Variants in ANKS1B observed in about 807,000 individuals in gnomAD.
The protein encoded by ANKS1B is ankyrin repeat and sterile alpha motif domain-containing protein 1B.
A neutral mutation model predicts 148.3 loss-of-function variants in ANKS1B; 36 were observed. The observed-to-expected ratio is 0.24, with a 90% CI of 0.19 to 0.32. ANKS1B has a LOEUF of 0.32. ANKS1B is among the 10% of genes least tolerant of loss of function. The pLI, the probability that ANKS1B is intolerant of heterozygous loss-of-function variation, is 1.00. For missense variants in ANKS1B, 1,157 were observed against 1,542.6 expected (o/e 0.75, Z 4.19); for synonymous variants, 542 against 560.8 (o/e 0.97, Z 0.47).
At chr12:99,621,524 A>C (rs898480255) in intron 9 of ANKS1B, among the ~76,000 whole-genome samples, 2 of 151,918 alleles carry the variant, frequency 1.3e-5, no homozygotes, top group Admixed American at 6.6e-5. Flanking sequence ...CTTACACATA[A>C]CACCACCCAT....
chr12:99,557,839 G>T (rs1257887869), intron 9 of ANKS1B, among the ~76,000 whole-genome samples: 2 of 152,044 alleles, frequency 1.3e-5, no homozygotes, highest in Non-Finnish European at 2.9e-5. Context: ...GAGGTTTTTT[G>T]CTTTTATCTC....
chr12:98,945,208 C>G (rs2099843194), intron 17 of ANKS1B, among the ~76,000 whole-genome samples: 1 of 152,070 alleles, frequency 6.6e-6, no homozygotes. Context: ...TAAAAAGTAA[C>G]AGAAGGGCCC....
chr12:99,097,925 T>A (rs2056739275), intron 15 of ANKS1B, among the ~76,000 whole-genome samples: 1 of 152,166 alleles, frequency 6.6e-6, no homozygotes, highest in Admixed American at 6.5e-5. Flanking sequence ...TTGGGGGAAA[T>A]GTCATTTTCT....
chr12:99,160,318 G>T (rs778709986), intron 14 of ANKS1B, among the ~76,000 whole-genome samples: 1 of 151,368 alleles, frequency 6.6e-6, no homozygotes, highest in Non-Finnish European at 1.5e-5. Context: ...GTCCAGAATG[G>T]TGTTTTCTAG....
chr12:99,722,397 T>G (rs1378145712), intron 8 of ANKS1B, among the ~76,000 whole-genome samples: 1 of 152,212 alleles, frequency 6.6e-6, no homozygotes, highest in African/African-American at 2.4e-5. Context: ...CATTTGCCAT[T>G]CTGAAAACAC....
intron 25 of ANKS1B, among the ~76,000 whole-genome samples, chr12:98,763,039 G>A (rs1168991822): frequency 6.6e-6 from 1 of 152,226 alleles, no homozygotes; most frequent in Non-Finnish European, 1.5e-5. Flanking sequence ...CAGACCTGAA[G>A]AACAAAAGCT....
intron 12 of ANKS1B, among the ~76,000 whole-genome samples, chr12:99,397,572 A>G (rs2094286808): frequency 6.6e-6 from 1 of 152,124 alleles, no homozygotes; most frequent in Admixed American, 6.6e-5. Context: ...ATGGTTAAAA[A>G]CATGAACTCT....
At chr12:99,147,787 G>A (rs1288372274) in intron 15 of ANKS1B, among the ~76,000 whole-genome samples, 4 of 151,970 alleles carry the variant, frequency 2.6e-5, no homozygotes, top group Non-Finnish European at 5.9e-5. Flanking sequence ...ATGAGGAGAA[G>A]TAGAAGAACA....
At chr12:99,285,178 T>C (rs908225214) in intron 12 of ANKS1B, among the ~76,000 whole-genome samples, 1 of 152,204 alleles carries the variant, frequency 6.6e-6, no homozygotes, top group Non-Finnish European at 1.5e-5. Flanking sequence ...TATAGGTAAG[T>C]TTAGCTTTTC....
At chr12:99,543,480 C>T (rs1322347987) in intron 9 of ANKS1B, among the ~76,000 whole-genome samples, 5 of 151,974 alleles carry the variant, frequency 3.3e-5, no homozygotes. Flanking sequence ...TTATATATAA[C>T]AAAGAAATTT....
intron 16 of ANKS1B, among the ~76,000 whole-genome samples, chr12:99,060,653 TCACACACACACACACACACA>T (rs35515489): frequency 2.0e-4 from 25 of 126,098 alleles, no homozygotes; most frequent in African/African-American, 5.6e-4. Context: ...TATATACACA[TCACACACACACACACACACA>T]CACACACACA....
rs182661018 is a variant in ANKS1B at position 98,818,337 on chromosome 12, G to C, written c.3067-10419C>G. Among the ~76,000 whole-genome samples the C allele has an allele frequency of 2.9e-3, 446 of 152,284 alleles. 3 individuals carry two copies. Among genetic ancestry groups the C allele is most frequent in the African/African-American group, 0.01 (425 of 41,548 alleles). On this transcript the variant is annotated intron_variant, in intron 19 of 26. Coordinates refer to ENST00000683438, the MANE Select transcript of ANKS1B (RefSeq NM_001352186.2). Reference sequence around the variant, plus strand: ...ATGATATTCCTGTTATTCATTTGTAGAGGTAATATATAACCTGTATTCCCT... The same window carrying C: ...ATGATATTCCTGTTATTCATTTGTACAGGTAATATATAACCTGTATTCCCT...
intron 12 of ANKS1B, among the ~76,000 whole-genome samples, chr12:99,292,950 T>C (rs1479224309): frequency 1.3e-5 from 2 of 152,184 alleles, no homozygotes; most frequent in Admixed American, 1.3e-4. Context: ...TGGCGATTCC[T>C]CAAGGATCTA....
Position 98,746,322 on chromosome 12 carries a change from C to T in ANKS1B, c.3748-473G>A, listed in dbSNP as rs539615055. ...CCCTGCCCACCTGATTTTTCTGCTGCAGCCACACAGCTTCCTTGCTCTTCC... is the reference window on the plus strand; with the variant it reads ...CCCTGCCCACCTGATTTTTCTGCTGTAGCCACACAGCTTCCTTGCTCTTCC... On this transcript the variant is annotated intron_variant, in intron 26 of 26. Transcript: ENST00000683438. Among the ~76,000 whole-genome samples, 87 of 152,272 alleles carry T rather than the reference C, an allele frequency of 5.7e-4. 1 individual carries two copies. The highest frequency in any genetic ancestry group is 2.0e-3 in the African/African-American group (84 of 41,566).
chr12:99,597,415 C>G (rs1039377), intron 9 of ANKS1B, among the ~76,000 whole-genome samples: 90,638 of 151,796 alleles, frequency 0.6, 27,955 homozygotes, highest in African/African-American at 0.75. Context: ...CAAAGCCCAA[C>G]ATTATATACA....
At chr12:99,629,802 T>C (rs2098140898) in intron 9 of ANKS1B, among the ~76,000 whole-genome samples, 1 of 152,200 alleles carries the variant, frequency 6.6e-6, no homozygotes, top group African/African-American at 2.4e-5. Context: ...TCTGTCATTA[T>C]GCTATGTGCT....
intron 9 of ANKS1B, among the ~76,000 whole-genome samples, chr12:99,530,983 A>G (rs1342745659): frequency 6.6e-6 from 1 of 152,190 alleles, no homozygotes; most frequent in African/African-American, 2.4e-5. Flanking sequence ...CCTGAATGAC[A>G]TATTCCTGCC....
intron 9 of ANKS1B, among the ~76,000 whole-genome samples, chr12:99,630,931 T>C (rs985529657): frequency 3.9e-5 from 6 of 152,148 alleles, no homozygotes; most frequent in African/African-American, 1.2e-4. Flanking sequence ...TGGGAGGTAA[T>C]TGAATCATGG....
chr12:98,736,750 C>G (rs1051372073), intron 9 of ANKS1B, among the ~76,000 whole-genome samples: 2 of 152,182 alleles, frequency 1.3e-5, no homozygotes, highest in African/African-American at 2.4e-5. Context: ...CCAGCAGAGA[C>G]TAAGAGTTGC....
Sources: gnomAD v4.1 joint callset for allele counts (sites outside exome capture counted in the v4.1 genomes callset) on GRCh38, gnomAD v4.1.1 for gene constraint, MANE v1.5 for transcripts, NCBI Gene and HGNC (gene_info 2026-07-23, HGNC 2026-07-21) for gene names.